OTOGL: variants seen among roughly 807,000 people sequenced by gnomAD.
OTOGL encodes the protein otogelin-like protein.
Under a neutral mutation model 318.5 loss-of-function variants are expected in OTOGL, and 285 were observed. The observed-to-expected ratio is 0.89, with a 90% CI of 0.81 to 0.99. OTOGL has a LOEUF of 0.99. Ranked by LOEUF, OTOGL falls within the 50% of genes least tolerant of loss-of-function variation. The probability of loss-of-function intolerance (pLI) is 0.00; values close to 1 mark genes in which losing one functional copy is unlikely to be tolerated. For synonymous variants in OTOGL, 987 were observed against 936.5 expected (o/e 1.05, Z -0.99); for missense variants, 2,899 against 2,845.6 (o/e 1.02, Z -0.43).
intron 1 of OTOGL, among the ~76,000 whole-genome samples, chr12:80,106,107 T>A (rs529024565): frequency 6.6e-6 from 1 of 152,322 alleles, no homozygotes; most frequent in South Asian, 2.1e-4. Flanking sequence ...CTAAAACATT[T>A]GTTGACTCCA....
chr12:80,152,261 G>C (rs1391806060), intron 1 of OTOGL, among the ~76,000 whole-genome samples: 4 of 152,146 alleles, frequency 2.6e-5, no homozygotes, highest in Non-Finnish European at 4.4e-5. Flanking sequence ...AGAGAAAACA[G>C]ATTCCTACTT....
At chr12:80,315,220 A>G (rs1886893851) in intron 32 of OTOGL, among the ~76,000 whole-genome samples, 1 of 152,216 alleles carries the variant, frequency 6.6e-6, no homozygotes, top group South Asian at 2.1e-4. Flanking sequence ...GAAACAAAGT[A>G]TAAATGCAGT....
Position 80,352,151 on chromosome 12 carries a change from A to G in OTOGL, c.5266-144A>G, listed in dbSNP as rs114107791. 3.5e-3 allele frequency: 2,420 copies of G among 689,392 alleles called. 52 individuals carry two copies. The African/African-American group carries it at 0.039, about 11-fold the overall frequency. 42.7% of individuals were successfully genotyped at this position (689,392 alleles called of 1,614,324 possible). A position where few individuals can be genotyped will look rare whatever the true frequency, so the allele number is the denominator to read the frequency against. ...GTTTAGAGTGATGTTTAATATTAAGAATTTTTGAAAATGTAAAGTCTATGA... is the reference window on the plus strand; with the variant it reads ...GTTTAGAGTGATGTTTAATATTAAGGATTTTTGAAAATGTAAAGTCTATGA... On this transcript the variant is annotated intron_variant, in intron 44 of 58. Coordinates refer to ENST00000547103, the MANE Select transcript of OTOGL (RefSeq NM_001378609.3).
chr12:80,334,897 G>A (rs1265549434), intron 38 of OTOGL, among the ~76,000 whole-genome samples: 1 of 152,052 alleles, frequency 6.6e-6, no homozygotes, highest in Non-Finnish European at 1.5e-5. Flanking sequence ...GAAAAGCAAG[G>A]TCAATACCTG....
Position 80,261,992 on chromosome 12 carries a change from G to C in OTOGL, c.1913G>C (p.Gly638Ala). 6.2e-7 allele frequency: 1 copy of C among 1,612,450 alleles called. No homozygotes were observed. Among genetic ancestry groups the C allele is most frequent in the Non-Finnish European group, 8.5e-7 (1 of 1,178,982 alleles). Reference protein sequence around the residue: ...DFLSPSGMIEGTPQLHANAWR... With the variant: ...DFLSPSGMIEATPQLHANAWR... ...AGTTCTCCATCAGGCATGATAGAAGGTACACCACAACTTCACGCAAATGCG... is the reference window on the plus strand; with the variant it reads ...AGTTCTCCATCAGGCATGATAGAAGCTACACCACAACTTCACGCAAATGCG... Residue 638 changes from glycine (G) to alanine (A), a missense_variant, in exon 19 of 59, where the codon GGT becomes GCT. Around this residue, in one of 3 missense-constraint regions of OTOGL, gnomAD observed 2,607 missense variants for 2,524.9 expected, o/e 1.03. Transcript: ENST00000547103.
intron 28 of OTOGL, among the ~76,000 whole-genome samples, chr12:80,305,083 T>A (rs955124934): frequency 6.6e-5 from 10 of 152,158 alleles, no homozygotes; most frequent in African/African-American, 1.2e-4. Flanking sequence ...TTAACTTGTT[T>A]CTAACAGGCA....
chr12:80,359,353 G>A (rs1382960562), intron 52 of OTOGL, among the ~76,000 whole-genome samples: 3 of 152,064 alleles, frequency 2.0e-5, no homozygotes, highest in African/African-American at 7.2e-5. Flanking sequence ...TTAATTTTTA[G>A]AAATAACTAG....
chr12:80,180,965 G>T (rs1874879136), intron 1 of OTOGL, among the ~76,000 whole-genome samples: 1 of 152,142 alleles, frequency 6.6e-6, no homozygotes, highest in Non-Finnish European at 1.5e-5. Flanking sequence ...ATTTAGACAA[G>T]GCAGTAGTTC....
At chr12:80,323,322 A>C (rs1186032879) in intron 34 of OTOGL, among the ~76,000 whole-genome samples, 1 of 152,148 alleles carries the variant, frequency 6.6e-6, no homozygotes, top group Non-Finnish European at 1.5e-5. Flanking sequence ...TAGTCAAAGA[A>C]GGGTCAAACC....
At chr12:80,297,505 G>C (rs1156448113) in intron 27 of OTOGL, among the ~76,000 whole-genome samples, 1 of 151,914 alleles carries the variant, frequency 6.6e-6, no homozygotes, top group Non-Finnish European at 1.5e-5. Context: ...GCTAATTTTT[G>C]TATTTTCAGT....
Position 80,315,554 on chromosome 12 carries a change from A to G in OTOGL, c.3634+1223A>G, listed in dbSNP as rs376581045. Among the ~76,000 whole-genome samples the G allele has an allele frequency of 1.2e-3, 182 of 152,286 alleles. 2 individuals carry two copies. Among genetic ancestry groups the G allele is most frequent in the African/African-American group, 4.2e-3 (175 of 41,568 alleles). On this transcript the variant is annotated intron_variant, in intron 32 of 58. Transcript: ENST00000547103. ...AGTAAGGTGATCTAGGGAAGTATCCATTTTGTCAGTAAATGGGTGAACTCT... is the reference window on the plus strand; with the variant it reads ...AGTAAGGTGATCTAGGGAAGTATCCGTTTTGTCAGTAAATGGGTGAACTCT...
chr12:80,340,098 G>T (rs1292271744), intron 43 of OTOGL, among the ~76,000 whole-genome samples: 2 of 152,094 alleles, frequency 1.3e-5, no homozygotes, highest in South Asian at 2.1e-4. Context: ...GTCAATAAAT[G>T]TTGGTTTAGT....
At chr12:80,193,989 A>G (rs1184358529) in intron 1 of OTOGL, among the ~76,000 whole-genome samples, 1 of 152,202 alleles carries the variant, frequency 6.6e-6, no homozygotes, top group Non-Finnish European at 1.5e-5. Flanking sequence ...ACAGAACAAA[A>G]TTGGATAAGC....
At chr12:80,266,049 C>G (rs577299156) in intron 20 of OTOGL, 1 of 156,116 alleles carries the variant, frequency 6.4e-6, no homozygotes, top group South Asian at 2.0e-4. Flanking sequence ...TGACAAGTTA[C>G]AACCACTGGG....
intron 1 of OTOGL, among the ~76,000 whole-genome samples, chr12:80,109,322 A>C (rs1869687501): frequency 6.6e-6 from 1 of 152,208 alleles, no homozygotes; most frequent in Non-Finnish European, 1.5e-5. Context: ...ATCAAACAAC[A>C]CAGGGTTCTT....
chr12:80,107,650 A>T (rs373314715), intron 1 of OTOGL, among the ~76,000 whole-genome samples: 1 of 152,244 alleles, frequency 6.6e-6, no homozygotes, highest in African/African-American at 2.4e-5. Context: ...ACATGTACAC[A>T]TACGTTCATT....
intron 1 of OTOGL, among the ~76,000 whole-genome samples, chr12:80,145,407 A>C (rs1872275745): frequency 6.6e-6 from 1 of 151,758 alleles, no homozygotes; most frequent in Non-Finnish European, 1.5e-5. Context: ...GTTCTGTTCC[A>C]TTGATCTATA....
intron 17 of OTOGL, 80 bp from the exon 18 acceptor site, chr12:80,257,745 A>T (rs1882184764): frequency 8.2e-7 from 1 of 1,221,922 alleles, no homozygotes; most frequent in Admixed American, 3.2e-5. Flanking sequence ...TGGGGAAGAG[A>T]GTCCTGGTGG....
intron 1 of OTOGL, among the ~76,000 whole-genome samples, chr12:80,197,972 T>TA (rs1287737546): frequency 6.6e-6 from 1 of 152,196 alleles, no homozygotes; most frequent in Non-Finnish European, 1.5e-5. Flanking sequence ...ATTTTTTTTT[T>TA]ACAGGTAAAA....
Sources: gnomAD v4.1 joint callset for allele counts (sites outside exome capture counted in the v4.1 genomes callset) on GRCh38, gnomAD v4.1.1 for gene constraint, gnomAD v4.1.1 regional missense constraint, MANE v1.5 for transcripts, NCBI Gene and HGNC (gene_info 2026-07-23, HGNC 2026-07-21) for gene names.